HMBOX1: variants seen among roughly 807,000 people sequenced by gnomAD.
HMBOX1 encodes homeobox containing 1, also known as homeobox-containing protein 1.
In HMBOX1, 14 loss-of-function variants were observed where a neutral mutation model predicts 54.5. The ratio of observed to expected loss-of-function variants is 0.26; its 90% CI spans 0.17 to 0.40. HMBOX1 has a LOEUF of 0.40. Ranked by LOEUF, HMBOX1 falls within the 10% of genes least tolerant of loss-of-function variation. The probability of loss-of-function intolerance (pLI) is 1.00; values close to 1 mark genes in which losing one functional copy is unlikely to be tolerated. For missense variants in HMBOX1, 332 were observed against 514.4 expected, an observed-to-expected ratio of 0.65 and a Z score of 3.43; for synonymous variants, 160 against 181.0, an observed-to-expected ratio of 0.88 and a Z score of 0.93.
chr8:28,951,781 G>A (rs1250859364), intron 1 of HMBOX1, among the ~76,000 whole-genome samples: 1 of 152,176 alleles, frequency 6.6e-6, no homozygotes, highest in East Asian at 1.9e-4. Context: ...TTCTGCTCTG[G>A]TTAGGCTCTC....
Position 28,970,539 on chromosome 8 carries a change from C to G in HMBOX1, c.500+20C>G, listed in dbSNP as rs747742054. On this transcript the variant is annotated intron_variant, in intron 3 of 9. Transcript: ENST00000287701. This position sits in a 1 kb window ranked among gnomAD's most constrained non-coding sequence, Gnocchi z 4.3. ...AATGAGGTTAGTGACTTTGCTTATTCAGAGTCCCTAAAAATGTCTGTATTC... is the reference window on the plus strand; with the variant it reads ...AATGAGGTTAGTGACTTTGCTTATTGAGAGTCCCTAAAAATGTCTGTATTC... The G allele has an allele frequency of 1.4e-6, 2 of 1,448,062 alleles. No individual in the cohort carries two copies. Among genetic ancestry groups the G allele is most frequent in the African/African-American group, 2.8e-5 (2 of 70,940 alleles). 89.7% of individuals were successfully genotyped at this position (1,448,062 alleles called of 1,614,324 possible).
At chr8:29,001,676 T>A (rs1416963105) in intron 4 of HMBOX1, among the ~76,000 whole-genome samples, 1 of 152,220 alleles carries the variant, frequency 6.6e-6, no homozygotes, top group Non-Finnish European at 1.5e-5. Flanking sequence ...GATTTGAGCA[T>A]GCATCATGTA....
At chr8:28,987,739 C>G (rs989960044) in intron 4 of HMBOX1, among the ~76,000 whole-genome samples, 1 of 152,144 alleles carries the variant, frequency 6.6e-6, no homozygotes, top group Non-Finnish European at 1.5e-5. Flanking sequence ...GATGCTTGCA[C>G]TAACCAAACT....
chr8:28,900,271 A>AATTATAT (rs1812991719), intron 1 of HMBOX1, among the ~76,000 whole-genome samples: 1 of 70,334 alleles, frequency 1.4e-5, no homozygotes. Context: ...AAAAAAAAAA[A>AATTATAT]ATATATATAT....
intron 6 of HMBOX1, among the ~76,000 whole-genome samples, chr8:29,028,545 C>G (rs1012739184): frequency 5.9e-5 from 9 of 152,178 alleles, no homozygotes; most frequent in Middle Eastern, 3.4e-3. Context: ...CTCCTCTTTA[C>G]TTTTAATTTT....
rs887491696 is a variant in HMBOX1 at position 29,002,072 on chromosome 8, G to T, written c.587-7000G>T. Reference sequence around the variant, plus strand: ...ATGTCACTCAATTTGTATTGGCCAGGAATTCAGGAGCAGCTTAGATAGGTT... The same window carrying T: ...ATGTCACTCAATTTGTATTGGCCAGTAATTCAGGAGCAGCTTAGATAGGTT... On this transcript the variant is annotated intron_variant, in intron 4 of 9. Transcript: ENST00000287701. Among the ~76,000 whole-genome samples, 10 of 152,310 alleles carry T rather than the reference G, an allele frequency of 6.6e-5. 1 individual carries two copies. The South Asian group carries it at 2.1e-3, about 32-fold the overall frequency.
At chr8:28,908,744 C>T (rs372197614) in intron 1 of HMBOX1, among the ~76,000 whole-genome samples, 27 of 151,904 alleles carry the variant, frequency 1.8e-4, no homozygotes, top group African/African-American at 5.1e-4. Context: ...CCAGCCTGGG[C>T]GACAGAGCGA....
intron 1 of HMBOX1, among the ~76,000 whole-genome samples, chr8:28,910,013 A>G (rs1417565760): frequency 2.0e-5 from 3 of 152,098 alleles, no homozygotes; most frequent in African/African-American, 4.8e-5. Flanking sequence ...CATCACCTCC[A>G]CAAGAACCCT....
chr8:28,953,705 C>G (rs1224388943), intron 1 of HMBOX1, among the ~76,000 whole-genome samples: 2 of 152,012 alleles, frequency 1.3e-5, no homozygotes, highest in African/African-American at 2.4e-5. Context: ...TACCTGATAC[C>G]TGGAATTTGC....
chr8:28,998,979 A>C (rs1414254831), intron 4 of HMBOX1, among the ~76,000 whole-genome samples: 1 of 152,092 alleles, frequency 6.6e-6, no homozygotes, highest in Non-Finnish European at 1.5e-5. Flanking sequence ...TAATTATTGC[A>C]TTATATAGTT....
chr8:28,991,067 A>G (rs1319669349), intron 4 of HMBOX1, among the ~76,000 whole-genome samples: 2 of 152,156 alleles, frequency 1.3e-5, no homozygotes, highest in African/African-American at 4.8e-5. Flanking sequence ...ATTTGTGTAG[A>G]ATTGGTATTA....
chr8:28,960,464 A>AG (rs1432413988), intron 1 of HMBOX1, among the ~76,000 whole-genome samples: 3 of 151,852 alleles, frequency 2.0e-5, no homozygotes, highest in Non-Finnish European at 2.9e-5. Flanking sequence ...TAATGGACAT[A>AG]GGGAAAAAAA....
chr8:28,921,344 C>T lies in HMBOX1; in HGVS notation c.-58+30666C>T, dbSNP rs80316668. ...GAGTGAGACCCTGTCTCAATCATAC[C>T]TAAACCAAAAATATTTCCATAGACG... On this transcript the variant is annotated intron_variant, in intron 1 of 9. Coordinates refer to ENST00000287701, the MANE Select transcript of HMBOX1 (RefSeq NM_001135726.3). Among the ~76,000 whole-genome samples the T allele has an allele frequency of 5.7e-3, 868 of 152,188 alleles. 4 individuals are homozygous for T. The highest frequency in any genetic ancestry group is 0.02 in the African/African-American group (843 of 41,542).
chr8:29,042,589 T>C, intron 6 of HMBOX1: 4 of 454,404 alleles, frequency 8.8e-6, no homozygotes, highest in Non-Finnish European at 1.8e-5. Context: ...GGTTGAAAAA[T>C]GTGGATTTAT....
chr8:28,891,387 G>A (rs1001909381), intron 1 of HMBOX1: 3 of 152,278 alleles, frequency 2.0e-5, no homozygotes, highest in African/African-American at 7.2e-5. Context: ...GGTGGGAAAG[G>A]AAAAGTGTTT....
intron 1 of HMBOX1, among the ~76,000 whole-genome samples, chr8:28,962,341 A>C (rs1825753958): frequency 6.6e-6 from 1 of 152,142 alleles, no homozygotes; most frequent in Admixed American, 6.6e-5. Flanking sequence ...CAGTGACTTA[A>C]TCTGTTTTCC....
At chr8:28,996,269 C>CTTACATA (rs1239011557) in intron 4 of HMBOX1, among the ~76,000 whole-genome samples, 1 of 151,920 alleles carries the variant, frequency 6.6e-6, no homozygotes. Context: ...AGTTCATATA[C>CTTACATA]AAGTTGAATT....
chr8:28,960,743 TTC>T (rs1327121845), intron 1 of HMBOX1, among the ~76,000 whole-genome samples: 2 of 58,326 alleles, frequency 3.4e-5, no homozygotes, highest in African/African-American at 1.2e-4. Context: ...TGTAAACTTA[TTC>T]TCTTTTTCTT....
intron 1 of HMBOX1, chr8:28,955,958 A>AT (rs2132179133): frequency 1.3e-5 from 1 of 74,924 alleles, no homozygotes; most frequent in Admixed American, 1.8e-4. Context: ...GTCTAGGAAA[A>AT]AAAAAAAAAA....
Sources: gnomAD v4.1 joint callset for allele counts (sites outside exome capture counted in the v4.1 genomes callset) on GRCh38, gnomAD v4.1.1 for gene constraint, Gnocchi (gnomAD v3.1) non-coding constraint, MANE v1.5 for transcripts, NCBI Gene and HGNC (gene_info 2026-07-23, HGNC 2026-07-21) for gene names.